The following CCDC146 variants were observed in gnomAD, a reference collection of about 807,000 sequenced individuals.
CCDC146 encodes the protein coiled-coil domain containing 146.
Under a neutral mutation model 119.3 loss-of-function variants are expected in CCDC146, and 92 were observed. The ratio of observed to expected loss-of-function variants is 0.77; its 90% CI spans 0.65 to 0.92. CCDC146 has a LOEUF of 0.92. Ranked by LOEUF, CCDC146 falls within the 40% of genes least tolerant of loss-of-function variation. The pLI is 0.00. For synonymous variants in CCDC146, 372 were observed against 371.8 expected (o/e 1.00, Z -0.01); for missense variants, 1,000 against 1,103.0 (o/e 0.91, Z 1.32).
chr7:77,262,666 T>C (rs1172410754), intron 9 of CCDC146, among the ~76,000 whole-genome samples: 1 of 152,188 alleles, frequency 6.6e-6, no homozygotes, highest in Admixed American at 6.5e-5. Context: ...CATGGTGTCA[T>C]GGCAGACTAT....
chr7:77,142,005 A>G (rs1476444949), intron 1 of CCDC146, among the ~76,000 whole-genome samples: 2 of 152,176 alleles, frequency 1.3e-5, no homozygotes, highest in Non-Finnish European at 2.9e-5. Flanking sequence ...TATGTCCTGA[A>G]TGGTATTGCC....
chr7:77,221,762 T>C (rs1265877012), intron 2 of CCDC146, among the ~76,000 whole-genome samples: 1 of 152,152 alleles, frequency 6.6e-6, no homozygotes, highest in Non-Finnish European at 1.5e-5. Context: ...GCATGAGAGA[T>C]GGTGGCCTGA....
intron 1 of CCDC146, among the ~76,000 whole-genome samples, chr7:77,142,296 A>G (rs1480443954): frequency 6.8e-6 from 1 of 146,394 alleles, no homozygotes; most frequent in Non-Finnish European, 1.5e-5. Flanking sequence ...TGCAGATGAC[A>G]TGATTGTACA....
Position 77,278,746 on chromosome 7 carries a change from T to C in CCDC146, c.1441-6T>C. 1 of 1,600,690 alleles carries C rather than the reference T, an allele frequency of 6.2e-7. No homozygotes were observed. The highest frequency in any genetic ancestry group is 8.5e-7 in the Non-Finnish European group (1 of 1,169,784). On this transcript the variant is annotated splice_polypyrimidine_tract_variant and splice_region_variant and intron_variant, in intron 11 of 18. Transcript: ENST00000285871. ...TATTTATTTCACATTTTTTTGTACA[T>C]TTCAGCAAAAATACACCAACATTGT...
intron 9 of CCDC146, among the ~76,000 whole-genome samples, chr7:77,271,656 C>G (rs1394173717): frequency 1.3e-5 from 2 of 149,464 alleles, no homozygotes; most frequent in African/African-American, 4.9e-5. Context: ...GCTCTGCTAC[C>G]AATGGCTTAT....
At chr7:77,194,460 T>G (rs1791828055) in intron 2 of CCDC146, 1 of 152,114 alleles carries the variant, frequency 6.6e-6, no homozygotes, top group African/African-American at 2.4e-5. Flanking sequence ...TTTAATGCTA[T>G]TTGCATTTCT....
rs758029651 is a variant in CCDC146 at position 77,199,568 on chromosome 7, C to T, written c.156+31744C>T. 433 of 1,614,152 alleles carry T rather than the reference C, an allele frequency of 2.7e-4. 1 individual carries two copies. Among genetic ancestry groups the T allele is most frequent in the Admixed American group, 7.3e-4 (44 of 60,018 alleles). ...TTTTGGACTTCTTTGAACACCTCCT[C>T]GATCCTGCTGAATTGCTTCGGGAGC... On this transcript the variant is annotated intron_variant, in intron 2 of 18. Coordinates refer to ENST00000285871, the MANE Select transcript of CCDC146 (RefSeq NM_020879.3).
chr7:77,247,780 TAAA>T (rs1248275195), intron 4 of CCDC146, among the ~76,000 whole-genome samples: 1 of 152,142 alleles, frequency 6.6e-6, no homozygotes, highest in Non-Finnish European at 1.5e-5. Context: ...ATTAAAAAGA[TAAA>T]AAATAAGATG....
Position 77,294,829 on chromosome 7 carries a change from A to G in CCDC146, c.2831A>G (p.His944Arg). The G allele has an allele frequency of 6.2e-7, 1 of 1,614,142 alleles. No individual in the cohort carries two copies. The highest frequency in any genetic ancestry group is 1.3e-5 in the African/African-American group (1 of 75,062). ...KPSEPGANMR[H>R]IRKPVIKPVE... ...AGTGAACCTGGAGCCAATATGAGGC[A>G]CATAAGGAAACCTGTTATAAAGCCA... Residue 944 changes from histidine to arginine, a missense_variant, in exon 19 of 19, where the codon CAC becomes CGC. By Grantham distance (29) the His-to-Arg change is conservative. Transcript: ENST00000285871.
intron 1 of CCDC146, among the ~76,000 whole-genome samples, chr7:77,146,104 G>A (rs1038523011): frequency 6.6e-6 from 1 of 151,984 alleles, no homozygotes; most frequent in Non-Finnish European, 1.5e-5. Context: ...GGGTGCTCTT[G>A]TATTGGGTGC....
chr7:77,220,186 C>T (rs947124660), intron 2 of CCDC146, among the ~76,000 whole-genome samples: 1 of 152,126 alleles, frequency 6.6e-6, no homozygotes, highest in Non-Finnish European at 1.5e-5. Flanking sequence ...AGAGGCTTCC[C>T]CCGGGAATGC....
At chr7:77,287,264 C>T (rs1793864679) in intron 16 of CCDC146, 176 bp from the exon 17 acceptor site, 1 of 637,022 alleles carries the variant, frequency 1.6e-6, no homozygotes, top group Non-Finnish European at 2.7e-6. Context: ...GGGGGCCATA[C>T]TCGAACTCCC....
chr7:77,168,857 A>G (rs1791377509), intron 2 of CCDC146, among the ~76,000 whole-genome samples: 1 of 151,938 alleles, frequency 6.6e-6, no homozygotes, highest in Non-Finnish European at 1.5e-5. Context: ...CTCTCTCTGA[A>G]GACACGATGC....
chr7:77,210,349 C>A (rs1792158471), intron 2 of CCDC146, among the ~76,000 whole-genome samples: 1 of 152,212 alleles, frequency 6.6e-6, no homozygotes, highest in South Asian at 2.1e-4. Context: ...GGCACAATGC[C>A]ACCAGTCTCT....
intron 3 of CCDC146, among the ~76,000 whole-genome samples, chr7:77,238,232 C>T (rs141999916): frequency 1.3e-5 from 2 of 152,224 alleles, no homozygotes; most frequent in Admixed American, 6.5e-5. Flanking sequence ...GCTGGTCACG[C>T]CTGCCAGTGT....
At chr7:77,127,904 A>G (rs1197608149) in intron 1 of CCDC146, among the ~76,000 whole-genome samples, 1 of 152,030 alleles carries the variant, frequency 6.6e-6, no homozygotes, top group African/African-American at 2.4e-5. Flanking sequence ...TAATTCATTA[A>G]TTCCTTCCCA....
intron 1 of CCDC146, among the ~76,000 whole-genome samples, chr7:77,146,283 CT>C (rs1393884894): frequency 6.6e-6 from 1 of 152,096 alleles, no homozygotes; most frequent in Non-Finnish European, 1.5e-5. Flanking sequence ...CTTCCTCCAT[CT>C]CTTTATTTTG....
At chr7:77,275,546 T>C (rs1392048428) in intron 11 of CCDC146, among the ~76,000 whole-genome samples, 2 of 152,180 alleles carry the variant, frequency 1.3e-5, no homozygotes, top group Admixed American at 1.3e-4. Context: ...GGCAGCTGCA[T>C]AGGCTGCAGA....
chr7:77,263,128 C>A (rs1230770632), intron 9 of CCDC146, among the ~76,000 whole-genome samples: 7 of 152,188 alleles, frequency 4.6e-5, no homozygotes, highest in Non-Finnish European at 8.8e-5. Flanking sequence ...GTGGTAGACA[C>A]CTCTGATCCT....
Sources: gnomAD v4.1 joint callset for allele counts (sites outside exome capture counted in the v4.1 genomes callset) on GRCh38, gnomAD v4.1.1 for gene constraint, MANE v1.5 for transcripts, NCBI Gene and HGNC (gene_info 2026-07-23, HGNC 2026-07-21) for gene names.